The following CAMK2D variants were observed in gnomAD, a reference collection of about 807,000 sequenced individuals.
CAMK2D encodes calcium/calmodulin dependent protein kinase II delta, also known as calcium/calmodulin-dependent protein kinase type II subunit delta.
Under a neutral mutation model 84.0 loss-of-function variants are expected in CAMK2D, and 37 were observed. The observed-to-expected ratio is 0.44, with a 90% CI of 0.34 to 0.58. CAMK2D has a LOEUF of 0.58. CAMK2D is among the 20% of genes least tolerant of loss of function. The probability of loss-of-function intolerance (pLI) is 0.02; values close to 1 mark genes in which losing one functional copy is unlikely to be tolerated. For synonymous variants in CAMK2D, 202 were observed against 212.5 expected, an observed-to-expected ratio of 0.95 and a Z score of 0.43; for missense variants, 448 against 652.5, an observed-to-expected ratio of 0.69 and a Z score of 3.41.
rs1044200877 is a variant in CAMK2D, at chr4:113,547,654, C to G, written c.404G>C (p.Arg135Pro). 2 of 1,562,322 alleles carry G rather than the reference C, an allele frequency of 1.3e-6. No individual in the cohort carries two copies. Among genetic ancestry groups the G allele is most frequent in the African/African-American group, 1.3e-5 (1 of 74,236 alleles). Residue 135 changes from arginine (R) to proline (P), a missense_variant, in exon 6 of 21, where the codon CGG (arginine) becomes CCG (proline). Arg to Pro is a moderately radical substitution (Grantham distance 103). Around this residue, in one of 7 missense-constraint regions of CAMK2D, gnomAD observed 60 missense variants for 70.0 expected, o/e 0.86. Coordinates refer to ENST00000511664, the MANE Select transcript of CAMK2D (RefSeq NM_001321571.2). ...LHCHQMGVVH[R>P]DLKPENLLLA... ...AACCGCATTACTCACCTTCAGGTCCCGATGGACCACGCCCATCTGATGGCA... is the reference window on the plus strand; with the variant it reads ...AACCGCATTACTCACCTTCAGGTCCGGATGGACCACGCCCATCTGATGGCA...
chr4:113,468,698 G>T (rs901543642), intron 16 of CAMK2D, among the ~76,000 whole-genome samples: 9 of 152,058 alleles, frequency 5.9e-5, no homozygotes, highest in African/African-American at 1.7e-4. Flanking sequence ...TGGGGAGGGG[G>T]TCCATTCTCA....
At chr4:113,698,579 A>C (rs780790941) in intron 2 of CAMK2D, among the ~76,000 whole-genome samples, 17 of 152,136 alleles carry the variant, frequency 1.1e-4, no homozygotes, top group Non-Finnish European at 1.9e-4. Flanking sequence ...TTTTAATTTA[A>C]AATATTTTAC....
rs1480596374 is a variant in CAMK2D at position 113,507,152 on chromosome 4, A to ATTAAT, written c.985-2122_985-2118dup. ...AAAATCTTTTGCAGTTATTTATAAT[A>ATTAAT]TTAATTTATTGAAAAATAATAGGAT... On this transcript the variant is annotated intron_variant, in intron 13 of 20. Transcript: ENST00000511664. Among the ~76,000 whole-genome samples the ATTAAT allele has an allele frequency of 4.6e-5, 7 of 152,332 alleles. No homozygotes were observed. The South Asian group carries it at 1.2e-3, about 27-fold the overall frequency.
chr4:113,705,121 T>A (rs2099441500), intron 2 of CAMK2D, among the ~76,000 whole-genome samples: 1 of 147,256 alleles, frequency 6.8e-6, no homozygotes, highest in Non-Finnish European at 1.5e-5. Flanking sequence ...ATCGAGACCA[T>A]CCTGGCTAAC....
At chr4:113,742,440 CAAT>C (rs1218826040) in intron 2 of CAMK2D, among the ~76,000 whole-genome samples, 1 of 151,560 alleles carries the variant, frequency 6.6e-6, no homozygotes, top group East Asian at 1.9e-4. Flanking sequence ...TTTTAAACAT[CAAT>C]AATAATAGCA....
At chr4:113,506,584 A>G (rs918551230) in intron 13 of CAMK2D, among the ~76,000 whole-genome samples, 4 of 152,142 alleles carry the variant, frequency 2.6e-5, no homozygotes, top group Non-Finnish European at 5.9e-5. Flanking sequence ...GGTACGTGAG[A>G]AAAGGGGAGG....
intron 2 of CAMK2D, among the ~76,000 whole-genome samples, chr4:113,699,910 A>G (rs2099413014): frequency 6.6e-6 from 1 of 152,220 alleles, no homozygotes; most frequent in Non-Finnish European, 1.5e-5. Flanking sequence ...CTTAGGAATT[A>G]TGAGTCATGT....
intron 4 of CAMK2D, among the ~76,000 whole-genome samples, chr4:113,567,544 A>G (rs1163823039): frequency 2.0e-5 from 3 of 152,120 alleles, no homozygotes; most frequent in Non-Finnish European, 4.4e-5. Context: ...AAAATTTTAC[A>G]TTTCTAAGCT....
At chr4:113,457,640 G>T in intron 18 of CAMK2D, 77 bp from the exon 19 acceptor site, 1 of 1,057,540 alleles carries the variant, frequency 9.5e-7, no homozygotes, top group Non-Finnish European at 1.4e-6. Context: ...CTTCAGTTAG[G>T]ACCAATGAAT....
At chr4:113,488,787 T>A (rs1326059490) in intron 16 of CAMK2D, among the ~76,000 whole-genome samples, 1 of 152,164 alleles carries the variant, frequency 6.6e-6, no homozygotes, top group East Asian at 1.9e-4. Context: ...TGAGCTGATG[T>A]TTTCCTAATG....
intron 2 of CAMK2D, among the ~76,000 whole-genome samples, chr4:113,669,160 G>T (rs1275171582): frequency 1.3e-5 from 2 of 152,014 alleles, no homozygotes; most frequent in African/African-American, 4.8e-5. Flanking sequence ...ATTTTATAGG[G>T]CTCTTGTTCA....
chr4:113,516,591 A>G (rs902151003), intron 9 of CAMK2D, among the ~76,000 whole-genome samples: 8 of 150,864 alleles, frequency 5.3e-5, no homozygotes, highest in African/African-American at 2.0e-4. Flanking sequence ...AAGAATATAC[A>G]TTTTTAATTC....
chr4:113,736,579 A>T (rs1269254778), intron 2 of CAMK2D, among the ~76,000 whole-genome samples: 1 of 152,194 alleles, frequency 6.6e-6, no homozygotes, highest in Non-Finnish European at 1.5e-5. Context: ...TACTCATAAA[A>T]GTTCAATCAA....
intron 12 of CAMK2D, 145 bp from the exon 13 acceptor site, chr4:113,509,820 A>C: frequency 1.6e-6 from 1 of 640,262 alleles, no homozygotes; most frequent in South Asian, 1.9e-5. Flanking sequence ...CACACTGATG[A>C]ACGCGAGCTT....
chr4:113,502,960 T>G lies in CAMK2D; in HGVS notation c.1062A>C (p.Val354=). 1 of 1,608,892 alleles carries G rather than the reference T, an allele frequency of 6.2e-7. No individual in the cohort carries two copies. The highest frequency in any genetic ancestry group is 8.5e-7 in the Non-Finnish European group (1 of 1,175,326). ...CCTTGTTTCCATCAGGGTTGTGGAT[T>G]ACAGTAGTTTGGGGCTCCTGAGTGA... ...PTPALEPQTT[V]IHNPDGNKES... The change falls in exon 15 of 21, where the codon GTA becomes GTC. Residue 354 remains valine, a synonymous_variant. Transcript: ENST00000511664.
chr4:113,455,941 T>C (rs2097298584), intron 19 of CAMK2D, 120 bp from the exon 20 acceptor site: 9 of 571,826 alleles, frequency 1.6e-5, no homozygotes, highest in Middle Eastern at 3.4e-4. Flanking sequence ...ACTGTATGAA[T>C]GTAACCCCTT....
At chr4:113,749,260 GC>G (rs936768596) in intron 2 of CAMK2D, among the ~76,000 whole-genome samples, 1 of 59,508 alleles carries the variant, frequency 1.7e-5, no homozygotes, top group Non-Finnish European at 3.7e-5. Flanking sequence ...TTGGAACCCC[GC>G]CCCCCCCACC....
intron 2 of CAMK2D, among the ~76,000 whole-genome samples, chr4:113,671,001 T>TG (rs2099279470): frequency 6.6e-6 from 1 of 152,216 alleles, no homozygotes; most frequent in Non-Finnish European, 1.5e-5. Context: ...TACAGGCAGT[T>TG]GTACAGTAAC....
In CAMK2D at chr4:113,661,725, G is replaced by A; in HGVS notation, c.208C>T (p.His70Tyr). The A allele has an allele frequency of 6.8e-7, 1 of 1,476,316 alleles. No individual in the cohort carries two copies. The highest frequency in any genetic ancestry group is 9.2e-7 in the Non-Finnish European group (1 of 1,087,114). 91.5% of individuals were successfully genotyped at this position (1,476,316 alleles called of 1,614,324 possible). Residue 70 changes from histidine to tyrosine, a missense_variant, in exon 3 of 21, where the codon CAC (histidine) becomes TAC (tyrosine). By Grantham distance (83) the His-to-Tyr change is moderately conservative (BLOSUM62 2). This residue lies in a region of CAMK2D where 46 missense variants were observed against 46.3 expected (regional missense o/e 0.99). Transcript: ENST00000511664. Reference sequence around the variant, plus strand: ...AATACGTTCTCACCAATATTAGGGTGCTTCAAAAGACGGCAGATTCTAGCT... The same window carrying A: ...AATACGTTCTCACCAATATTAGGGTACTTCAAAAGACGGCAGATTCTAGCT... ...REARICRLLK[H>Y]PNIVRLHDSI...
Sources: allele counts gnomAD v4.1 joint callset (sites outside exome capture counted in the v4.1 genomes callset), GRCh38; gene constraint gnomAD v4.1.1; regional missense constraint gnomAD v4.1.1; transcripts MANE v1.5; gene names NCBI Gene and HGNC (gene_info 2026-07-23, HGNC 2026-07-21).